The following ENTPD7 variants were observed in gnomAD, a reference collection of about 807,000 sequenced individuals.
ENTPD7 encodes the protein ectonucleoside triphosphate diphosphohydrolase 7, also known as NTPDase 7.
In ENTPD7, 53 loss-of-function variants were observed where a neutral mutation model predicts 77.9. That is an observed-to-expected ratio of 0.68 (90% CI 0.55 to 0.85). The LOEUF (loss-of-function observed/expected upper bound fraction) is 0.85. ENTPD7 is among the 40% of genes least tolerant of loss of function. ENTPD7 has a pLI of 0.00. For synonymous variants in ENTPD7, 248 were observed against 274.9 expected (o/e 0.90, Z 0.97); for missense variants, 636 against 743.7 (o/e 0.86, Z 1.68).
chr10:99,660,091 A>G, intron 2 of ENTPD7, 127 bp downstream of exon 2: 1 of 1,395,064 alleles, frequency 7.2e-7, no homozygotes, highest in Non-Finnish European at 1.0e-6. Flanking sequence ...TATTCTGGTT[A>G]GTTGGATGCA....
At position 99,696,983 on chromosome 10, in the gene ENTPD7, A is replaced by G. The variant is rs146428841; in HGVS notation, c.1010+861A>G. Among the ~76,000 whole-genome samples, 161 of 152,344 alleles carry G rather than the reference A, an allele frequency of 1.1e-3. 1 individual carries two copies. Among genetic ancestry groups the G allele is most frequent in the African/African-American group, 3.7e-3 (155 of 41,576 alleles). On this transcript the variant is annotated intron_variant, in intron 9 of 12. Transcript: ENST00000370489. ...CAGATGAAAGGGCAGGGCTGATACTAAGCAAACAACACACTTACCTACGTA... is the reference window on the plus strand; with the variant it reads ...CAGATGAAAGGGCAGGGCTGATACTGAGCAAACAACACACTTACCTACGTA...
chr10:99,666,268 C>T (rs544759819), intron 3 of ENTPD7, among the ~76,000 whole-genome samples: 44 of 151,844 alleles, frequency 2.9e-4, no homozygotes, highest in African/African-American at 9.7e-4. Flanking sequence ...AGTGCAGTGG[C>T]GCTATCTCGG....
At chr10:99,683,575 T>C (rs1044966694) in intron 5 of ENTPD7, among the ~76,000 whole-genome samples, 6 of 152,212 alleles carry the variant, frequency 3.9e-5, no homozygotes, top group African/African-American at 1.4e-4. Context: ...TTATCAACAT[T>C]TCGCCATTTT....
In ENTPD7 at chr10:99,708,853, G is replaced by C. The variant is rs2036303011; in HGVS notation, c.*4170G>C. 3 of 985,246 alleles carry C rather than the reference G, an allele frequency of 3.0e-6. No homozygotes were observed. In the South Asian group the frequency reaches 1.4e-4, roughly 46 times the overall value. 61.0% of individuals were successfully genotyped at this position (985,246 alleles called of 1,614,324 possible). A position where few individuals can be genotyped will look rare whatever the true frequency, so the allele number is the denominator to read the frequency against. On this transcript the variant is annotated 3_prime_UTR_variant, in exon 13 of 13. Transcript: ENST00000370489. ...ACTACTTTGTCAGCTACAATGAAAT[G>C]CTCATTAACAGAATCTTTCTGCAAG...
chr10:99,673,688 C>T (rs1369731030), intron 3 of ENTPD7, among the ~76,000 whole-genome samples: 1 of 152,154 alleles, frequency 6.6e-6, no homozygotes, highest in Non-Finnish European at 1.5e-5. Context: ...TGTAAAGTTC[C>T]TTATTTTGGC....
intron 3 of ENTPD7, among the ~76,000 whole-genome samples, chr10:99,675,934 G>T (rs1159059046): frequency 6.6e-6 from 1 of 152,062 alleles, no homozygotes; most frequent in Non-Finnish European, 1.5e-5. Flanking sequence ...TTGAGTTTTA[G>T]TATAGTATCA....
chr10:99,670,667 T>A (rs907859096), intron 3 of ENTPD7, among the ~76,000 whole-genome samples: 15 of 152,140 alleles, frequency 9.9e-5, no homozygotes, highest in Admixed American at 2.0e-4. Context: ...TGGTAAGTAT[T>A]TGTGTATCTA....
chr10:99,699,057 T>G lies in ENTPD7; in HGVS notation c.1335+199T>G, dbSNP rs532151677. On this transcript the variant is annotated intron_variant, in intron 10 of 12. Transcript: ENST00000370489. ...CTAGCTATGCTGTACTGCCTTCTAA[T>G]TAACTAAATTTATTTTCCATGGATG... Among the ~76,000 whole-genome samples, 43 of 152,310 alleles carry G rather than the reference T, an allele frequency of 2.8e-4. No homozygotes were observed. The South Asian group carries it at 7.7e-3, about 27-fold the overall frequency.
chr10:99,659,815 G>A lies in ENTPD7; in HGVS notation c.-95-47G>A. 1 of 1,171,778 alleles carries A rather than the reference G, an allele frequency of 8.5e-7. No homozygotes were observed. The highest frequency in any genetic ancestry group is 2.2e-5 in the Admixed American group (1 of 46,274). The allele number at this position is 1,171,778 out of a possible 1,614,324, so 72.6% of individuals were successfully genotyped here. ...AGCCGTGGAATTCCCGTGCAGGTTT[G>A]TCTCGTGGGCTCAGTCGGACAGAAG... On this transcript the variant is annotated intron_variant, in intron 1 of 12. Coordinates refer to ENST00000370489, the MANE Select transcript of ENTPD7 (RefSeq NM_020354.5). The surrounding 1 kb of genome is among the most constrained non-coding windows in gnomAD (Gnocchi z 4.1).
intron 3 of ENTPD7, among the ~76,000 whole-genome samples, chr10:99,664,563 C>T (rs938901162): frequency 2.6e-5 from 4 of 151,694 alleles, no homozygotes; most frequent in African/African-American, 9.7e-5. Flanking sequence ...GATTCTCCTG[C>T]CTCAGCCTCC....
chr10:99,703,207 AC>A (rs1408444377), intron 12 of ENTPD7, among the ~76,000 whole-genome samples: 1 of 149,594 alleles, frequency 6.7e-6, no homozygotes, highest in Non-Finnish European at 1.5e-5. Context: ...CTGATACCTT[AC>A]TTTTATGTAC....
chr10:99,674,423 T>A (rs1291739020), intron 3 of ENTPD7, among the ~76,000 whole-genome samples: 1 of 152,240 alleles, frequency 6.6e-6, no homozygotes, highest in East Asian at 1.9e-4. Flanking sequence ...TTTTTTCATC[T>A]TGCAGATCAT....
Position 99,659,990 on chromosome 10 carries a change from C to CT in ENTPD7, c.8+27dup. Reference sequence around the variant, plus strand: ...GTAAGGCTGCACACTTTCCCTCCGGCTGGGAGCACGGCAGAGGATGGCAGG... The same window carrying CT: ...GTAAGGCTGCACACTTTCCCTCCGGCTTGGGAGCACGGCAGAGGATGGCAGG... On this transcript the variant is annotated intron_variant, in intron 2 of 12. Coordinates refer to ENST00000370489, the MANE Select transcript of ENTPD7 (RefSeq NM_020354.5). The surrounding 1 kb of genome is among the most constrained non-coding windows in gnomAD (Gnocchi z 4.1). 6.2e-7 allele frequency: 1 copy of CT among 1,613,768 alleles called. No individual in the cohort carries two copies. The highest frequency in any genetic ancestry group is 8.5e-7 in the Non-Finnish European group (1 of 1,179,912).
At chr10:99,686,241 T>G (rs2035809524) in intron 6 of ENTPD7, among the ~76,000 whole-genome samples, 4 of 152,186 alleles carry the variant, frequency 2.6e-5, no homozygotes, top group African/African-American at 9.7e-5. Flanking sequence ...TTTGTCAAAG[T>G]CAAATGTAAG....
Position 99,665,324 on chromosome 10 carries a change from TC to T in ENTPD7, c.191+3699del, listed in dbSNP as rs2035536079. On this transcript the variant is annotated intron_variant, in intron 3 of 12. Coordinates refer to ENST00000370489, the MANE Select transcript of ENTPD7 (RefSeq NM_020354.5). ...AGGGCAGCATATATATTCACTTATG[TC>T]CCGTAGGAGACAGAAAGGCTTTCCA... is the stretch of plus-strand genomic sequence containing the variant. Among the ~76,000 whole-genome samples the T allele has an allele frequency of 2.6e-5, 4 of 151,988 alleles. No homozygotes were observed. The South Asian group carries it at 6.3e-4, about 24-fold the overall frequency.
intron 11 of ENTPD7, 75 bp from the exon 12 acceptor site, chr10:99,702,437 G>C: frequency 7.8e-7 from 1 of 1,289,732 alleles, no homozygotes; most frequent in Non-Finnish European, 1.0e-6. Context: ...GTGGGAATAC[G>C]GAGTGGCTTA....
At chr10:99,688,867 T>G in intron 7 of ENTPD7, 117 bp downstream of exon 7, 1 of 938,974 alleles carries the variant, frequency 1.1e-6, no homozygotes, top group Non-Finnish European at 1.7e-6. Context: ...AAACATAAGA[T>G]GCTTCATTTT....
chr10:99,691,017 T>C (rs1043571460), intron 7 of ENTPD7, among the ~76,000 whole-genome samples: 1 of 152,178 alleles, frequency 6.6e-6, no homozygotes, highest in African/African-American at 2.4e-5. Context: ...TTGAGACAGG[T>C]TCTCTGTCAC....
Position 99,704,983 on chromosome 10 carries a change from C to T in ENTPD7, c.*300C>T, listed in dbSNP as rs2036223738. 1 of 351,542 alleles carries T rather than the reference C, an allele frequency of 2.8e-6. No homozygotes were observed. Among genetic ancestry groups the T allele is most frequent in the Non-Finnish European group, 5.3e-6 (1 of 189,118 alleles). 21.8% of individuals were successfully genotyped at this position (351,542 alleles called of 1,614,324 possible). Reference sequence around the variant, plus strand: ...GAGAGGTCTGGTGTGTTCCTAGAATCTCACCTTTTCTTCCCTTGCTAAAGC... The same window carrying T: ...GAGAGGTCTGGTGTGTTCCTAGAATTTCACCTTTTCTTCCCTTGCTAAAGC... On this transcript the variant is annotated 3_prime_UTR_variant, in exon 13 of 13. Coordinates refer to ENST00000370489, the MANE Select transcript of ENTPD7 (RefSeq NM_020354.5).
Sources: gnomAD v4.1 joint callset for allele counts (sites outside exome capture counted in the v4.1 genomes callset) on GRCh38, gnomAD v4.1.1 for gene constraint, Gnocchi (gnomAD v3.1) non-coding constraint, MANE v1.5 for transcripts, NCBI Gene and HGNC (gene_info 2026-07-23, HGNC 2026-07-21) for gene names.